KAT2B: variants seen among roughly 807,000 people sequenced by gnomAD.
KAT2B encodes the protein histone acetyltransferase KAT2B.
KAT2B carries 36 observed loss-of-function variants against 105.9 expected under a neutral mutation model. The observed-to-expected ratio is 0.34, with a 90% confidence interval of 0.26 to 0.45. The LOEUF is 0.45. Among genes scored for constraint, KAT2B ranks in the 20% least tolerant of loss-of-function variants. KAT2B has a pLI of 1.00. For missense variants in KAT2B, 820 were observed against 1,021.6 expected (o/e 0.80, Z 2.69); for synonymous variants, 397 against 377.9 (o/e 1.05, Z -0.59).
At chr3:20,124,157 G>T (rs573308691) in intron 9 of KAT2B, among the ~76,000 whole-genome samples, 1 of 152,026 alleles carries the variant, frequency 6.6e-6, no homozygotes, top group South Asian at 2.1e-4. Flanking sequence ...AGTTTTTTAG[G>T]GATTTAGTAA....
chr3:20,125,152 C>T (rs1478959802), intron 9 of KAT2B, among the ~76,000 whole-genome samples: 2 of 151,996 alleles, frequency 1.3e-5, no homozygotes, highest in Non-Finnish European at 2.9e-5. Context: ...GAAACCCCGT[C>T]TCTACTAAAA....
Position 20,040,489 on chromosome 3 carries a change from T to G in KAT2B, c.12T>G (p.Ala4=). The change falls in exon 1 of 18, where the codon GCT becomes GCG. Residue 4 remains alanine (A), a synonymous_variant. Transcript: ENST00000263754. The part of the protein sequence containing the change: MSE[A]GGAGPGGCGA... ...TGCTCCGGGGCGGCATGTCCGAGGC[T>G]GGCGGGGCCGGGCCGGGCGGCTGCG... 7.7e-6 allele frequency: 8 copies of G among 1,034,138 alleles called. No individual in the cohort carries two copies. The highest frequency in any genetic ancestry group is 6.9e-6 in the Non-Finnish European group (6 of 864,062). The allele number at this position is 1,034,138 out of a possible 1,614,324, so 64.1% of individuals were successfully genotyped here.
At chr3:20,050,862 T>C (rs1315310760) in intron 1 of KAT2B, among the ~76,000 whole-genome samples, 1 of 151,970 alleles carries the variant, frequency 6.6e-6, no homozygotes, top group African/African-American at 2.4e-5. Context: ...GGGAATTTGA[T>C]AGTCATATTT....
chr3:20,078,007 T>C (rs1298104745), intron 2 of KAT2B, among the ~76,000 whole-genome samples: 1 of 152,018 alleles, frequency 6.6e-6, no homozygotes, highest in Non-Finnish European at 1.5e-5. Context: ...AAACTCCACC[T>C]CTACAAAAAA....
chr3:20,083,145 C>T (rs760344503), intron 2 of KAT2B, among the ~76,000 whole-genome samples: 29 of 152,256 alleles, frequency 1.9e-4, no homozygotes, highest in Admixed American at 7.2e-4. Flanking sequence ...AATTAGGGAG[C>T]GATACATCAA....
At chr3:20,062,403 ATT>A (rs1159672288) in intron 1 of KAT2B, among the ~76,000 whole-genome samples, 1 of 91,790 alleles carries the variant, frequency 1.1e-5, no homozygotes, top group Non-Finnish European at 2.0e-5. Context: ...TAAATTATAT[ATT>A]ATATATTATA....
chr3:20,081,878 C>CATATATAT (rs139743528), intron 2 of KAT2B, among the ~76,000 whole-genome samples: 2,915 of 140,498 alleles, frequency 0.021, 146 homozygotes, highest in African/African-American at 0.075. Flanking sequence ...GTCATTGGCT[C>CATATATAT]ATATATATAT....
At chr3:20,082,862 A>C (rs1412067297) in intron 2 of KAT2B, among the ~76,000 whole-genome samples, 2 of 152,222 alleles carry the variant, frequency 1.3e-5, no homozygotes, top group Admixed American at 1.3e-4. Flanking sequence ...AGGTGGTAAG[A>C]AAAAGACTAA....
At chr3:20,115,392 A>G (rs1699187564) in intron 7 of KAT2B, among the ~76,000 whole-genome samples, 1 of 152,208 alleles carries the variant, frequency 6.6e-6, no homozygotes, top group Non-Finnish European at 1.5e-5. Flanking sequence ...CAGTGATCCC[A>G]GAAAGAGGAT....
At chr3:20,062,200 T>TATATAAAAATATATAATATATAAAAA (rs1491542109) in intron 1 of KAT2B, among the ~76,000 whole-genome samples, 7 of 48,588 alleles carry the variant, frequency 1.4e-4, no homozygotes, top group Non-Finnish European at 2.8e-4. Flanking sequence ...AATATATATA[T>TATATAAAAATATATAATATATAAAAA]TTTATATAAA....
intron 1 of KAT2B, among the ~76,000 whole-genome samples, chr3:20,047,371 C>T (rs1404968470): frequency 6.6e-6 from 1 of 152,068 alleles, no homozygotes; most frequent in South Asian, 2.1e-4. Flanking sequence ...CACGCCTAGC[C>T]TAAACCAATG....
chr3:20,078,412 G>A (rs192154572), intron 2 of KAT2B, among the ~76,000 whole-genome samples: 1 of 151,984 alleles, frequency 6.6e-6, no homozygotes, highest in South Asian at 2.1e-4. Flanking sequence ...TTTCTCTTCT[G>A]TCCAGGCTGA....
At chr3:20,135,045 T>G (rs969687863) in intron 11 of KAT2B, among the ~76,000 whole-genome samples, 4 of 152,222 alleles carry the variant, frequency 2.6e-5, no homozygotes, top group African/African-American at 9.6e-5. Flanking sequence ...TCTACTCTGT[T>G]GAATAGTATA....
At chr3:20,092,237 T>TTATTTATTTATTTAG (rs2125193842) in intron 2 of KAT2B, among the ~76,000 whole-genome samples, 1 of 71,026 alleles carries the variant, frequency 1.4e-5, no homozygotes, top group Admixed American at 1.2e-4. Context: ...ATTTATTTAT[T>TTATTTATTTATTTAG]TATTTATTTG....
At chr3:20,138,980 A>G (rs1575156800) in intron 12 of KAT2B, among the ~76,000 whole-genome samples, 1 of 151,990 alleles carries the variant, frequency 6.6e-6, no homozygotes, top group Admixed American at 6.6e-5. Flanking sequence ...TGCAGCCTCA[A>G]CCTCCTGGGC....
intron 1 of KAT2B, among the ~76,000 whole-genome samples, chr3:20,050,880 C>A (rs1415959263): frequency 6.6e-6 from 1 of 151,858 alleles, no homozygotes; most frequent in Non-Finnish European, 1.5e-5. Flanking sequence ...TTTGGAAGAA[C>A]CCAGGAGGGC....
At chr3:20,135,600 C>G (rs1369348608) in intron 11 of KAT2B, among the ~76,000 whole-genome samples, 4 of 151,500 alleles carry the variant, frequency 2.6e-5, no homozygotes, top group Non-Finnish European at 5.9e-5. Flanking sequence ...CTTGCAGTGA[C>G]CCGAGATCGT....
chr3:20,086,152 G>A lies in KAT2B; in HGVS notation c.431-9111G>A, dbSNP rs200036073. On this transcript the variant is annotated intron_variant, in intron 2 of 17. Coordinates refer to ENST00000263754, the MANE Select transcript of KAT2B (RefSeq NM_003884.5). Reference sequence around the variant, plus strand: ...CTGGGCATGATGGTATGCACCTGTAGTCCCAGCTATTTGGGAGACTGAGGT... The same window carrying A: ...CTGGGCATGATGGTATGCACCTGTAATCCCAGCTATTTGGGAGACTGAGGT... 9.9e-4 allele frequency among the ~76,000 whole-genome samples: 151 copies of A among 152,194 alleles called. 2 individuals are homozygous for A. In the East Asian group the frequency reaches 0.027, roughly 27 times the overall value.
intron 2 of KAT2B, among the ~76,000 whole-genome samples, chr3:20,073,247 C>G (rs941345640): frequency 1.1e-4 from 17 of 152,134 alleles, no homozygotes; most frequent in African/African-American, 4.1e-4. Flanking sequence ...ACAGTCTCCC[C>G]CAAAATGTCA....
Sources: allele counts gnomAD v4.1 joint callset (sites outside exome capture counted in the v4.1 genomes callset), GRCh38; gene constraint gnomAD v4.1.1; transcripts MANE v1.5; gene names NCBI Gene and HGNC (gene_info 2026-07-23, HGNC 2026-07-21).